Variants in MOGAT1 observed in about 807,000 individuals in gnomAD.
The protein encoded by MOGAT1 is monoacylglycerol O-acyltransferase 1, also known as 2-acylglycerol O-acyltransferase 1.
MOGAT1 carries 32 observed loss-of-function variants against 31.4 expected under a neutral mutation model. The ratio of observed to expected loss-of-function variants is 1.02; its 90% CI spans 0.77 to 1.37. The LOEUF (loss-of-function observed/expected upper bound fraction) is 1.37. Ranked by LOEUF, MOGAT1 falls within the 40% of genes most tolerant of loss-of-function variation. MOGAT1 has a pLI of 0.00. For missense variants in MOGAT1, 426 were observed against 402.0 expected (o/e 1.06, Z -0.51); for synonymous variants, 145 against 144.5 (o/e 1.00, Z -0.03).
At chr2:222,678,756 C>G (rs914084550) in intron 1 of MOGAT1, among the ~76,000 whole-genome samples, 1 of 152,082 alleles carries the variant, frequency 6.6e-6, no homozygotes, top group Non-Finnish European at 1.5e-5. Context: ...GCCTGGCCAA[C>G]ATGGGGACAC....
chr2:222,700,527 C>G (rs1241943816), intron 5 of MOGAT1, among the ~76,000 whole-genome samples: 1 of 152,180 alleles, frequency 6.6e-6, no homozygotes, highest in East Asian at 1.9e-4. Flanking sequence ...GTTGTTGTTT[C>G]AAACGTTTAA....
At chr2:222,672,158 T>C (rs1559226228) in intron 1 of MOGAT1, among the ~76,000 whole-genome samples, 1 of 152,232 alleles carries the variant, frequency 6.6e-6, no homozygotes, top group Non-Finnish European at 1.5e-5. Context: ...TACAGCTCGA[T>C]GACTTTTGGC....
At chr2:222,689,524 A>C in intron 3 of MOGAT1, 55 bp downstream of exon 3, 2 of 1,502,850 alleles carry the variant, frequency 1.3e-6, no homozygotes, top group South Asian at 2.3e-5. Context: ...AGGAGCACAC[A>C]GAACATTCCC....
In MOGAT1 at chr2:222,695,174, G is replaced by C. The variant is rs1004294470; in HGVS notation, c.739G>C (p.Val247Leu). ...CCCTGAAGGATCATGGATTAGAACT[G>C]TTCAGAATAAACTGCAGAAGATCAT... ...DNPEGSWIRT[V>L]QNKLQKIMGF... The change falls in exon 5 of 6, where the codon GTT becomes CTT. Residue 247 changes from valine to leucine, a missense_variant. Physicochemically the swap from Val to Leu is conservative, Grantham distance 32 (BLOSUM62 1). Transcript: ENST00000446656. 2.5e-6 allele frequency: 4 copies of C among 1,613,582 alleles called. No individual in the cohort carries two copies. Among genetic ancestry groups the C allele is most frequent in the Non-Finnish European group, 3.4e-6 (4 of 1,179,724 alleles).
chr2:222,708,951 A>G (rs998451135), intron 5 of MOGAT1, among the ~76,000 whole-genome samples: 1 of 152,198 alleles, frequency 6.6e-6, no homozygotes, highest in African/African-American at 2.4e-5. Flanking sequence ...ACCCGCTATT[A>G]CAAACAATGG....
intron 3 of MOGAT1, among the ~76,000 whole-genome samples, chr2:222,694,095 A>G (rs1692806033): frequency 6.6e-6 from 1 of 152,168 alleles, no homozygotes; most frequent in African/African-American, 2.4e-5. Flanking sequence ...GTAGTGCACA[A>G]CCTACCTAAA....
At chr2:222,698,227 G>A (rs776238811) in intron 5 of MOGAT1, among the ~76,000 whole-genome samples, 13 of 152,306 alleles carry the variant, frequency 8.5e-5, no homozygotes, top group South Asian at 4.1e-4. Context: ...CTAGTTGACC[G>A]TCAGGACAAA....
chr2:222,697,376 T>G (rs1166894449), intron 5 of MOGAT1, among the ~76,000 whole-genome samples: 1 of 152,146 alleles, frequency 6.6e-6, no homozygotes, highest in African/African-American at 2.4e-5. Context: ...CTTAAGTATC[T>G]GAAAGGTATA....
At chr2:222,678,636 T>C (rs985895835) in intron 1 of MOGAT1, among the ~76,000 whole-genome samples, 2 of 152,196 alleles carry the variant, frequency 1.3e-5, no homozygotes, top group Non-Finnish European at 2.9e-5. Context: ...GGGTGTCGTA[T>C]CTTTAAAATC....
At chr2:222,672,648 T>TTATATCCCAA in intron 1 of MOGAT1, among the ~76,000 whole-genome samples, 1 of 152,214 alleles carries the variant, frequency 6.6e-6, no homozygotes, top group East Asian at 1.9e-4. Flanking sequence ...GGGAGACCCT[T>TTATATCCCAA]CTATTGAAAC....
In MOGAT1 at chr2:222,693,967, C is replaced by T. The variant is rs185459818; in HGVS notation, c.479-395C>T. Among the ~76,000 whole-genome samples the T allele has an allele frequency of 5.9e-5, 9 of 152,260 alleles. No homozygotes were observed. In the East Asian group the frequency reaches 9.6e-4, roughly 16 times the overall value. On this transcript the variant is annotated intron_variant, in intron 3 of 5. Coordinates refer to ENST00000446656, the MANE Select transcript of MOGAT1 (RefSeq NM_058165.3). ...TACTTTTTGGTTCTGTGTAAAAATTCGCCATGATAAATATCAAGGCCACCA... is the reference window on the plus strand; with the variant it reads ...TACTTTTTGGTTCTGTGTAAAAATTTGCCATGATAAATATCAAGGCCACCA...
intron 3 of MOGAT1, among the ~76,000 whole-genome samples, chr2:222,692,399 A>G (rs556012397): frequency 6.6e-6 from 1 of 152,324 alleles, no homozygotes; most frequent in African/African-American, 2.4e-5. Context: ...AATGCTTTTA[A>G]ATGAATGAAT....
intron 1 of MOGAT1, among the ~76,000 whole-genome samples, chr2:222,679,992 T>C (rs1233008491): frequency 6.6e-6 from 1 of 152,186 alleles, no homozygotes; most frequent in East Asian, 1.9e-4. Context: ...TCTTTGTTTC[T>C]ACCTTACCCA....
intron 5 of MOGAT1, among the ~76,000 whole-genome samples, chr2:222,701,299 G>GAGAGAGAGAGAGAGAGAGAGAGA (rs71053101): frequency 1.1e-5 from 1 of 90,498 alleles, no homozygotes; most frequent in African/African-American, 4.5e-5. Context: ...AGGAGGAGGA[G>GAGAGAGAGAGAGAGAGAGAGAGA]GAGAGAGAGA....
At chr2:222,690,531 CG>C (rs750827952) in intron 3 of MOGAT1, among the ~76,000 whole-genome samples, 1 of 151,788 alleles carries the variant, frequency 6.6e-6, no homozygotes, top group Non-Finnish European at 1.5e-5. Flanking sequence ...CACTCCAGCC[CG>C]GGCGACAGAG....
At chr2:222,693,707 G>A (rs1293552203) in intron 3 of MOGAT1, among the ~76,000 whole-genome samples, 1 of 151,988 alleles carries the variant, frequency 6.6e-6, no homozygotes, top group African/African-American at 2.4e-5. Flanking sequence ...TCACTATCAC[G>A]AGAACAGCAT....
At chr2:222,683,280 T>C (rs2106033935) in intron 1 of MOGAT1, among the ~76,000 whole-genome samples, 1 of 151,882 alleles carries the variant, frequency 6.6e-6, no homozygotes, top group Middle Eastern at 3.5e-3. Flanking sequence ...GGGGAGTAAC[T>C]GCTTAATGGG....
chr2:222,701,330 T>G (rs13028818), intron 5 of MOGAT1, among the ~76,000 whole-genome samples: 18,062 of 63,760 alleles, frequency 0.28, 1,298 homozygotes, highest in Middle Eastern at 0.37. Context: ...GAGAGAGAGA[T>G]AAAAGGAATT....
chr2:222,703,598 A>G (rs941133922), intron 5 of MOGAT1, among the ~76,000 whole-genome samples: 1 of 152,128 alleles, frequency 6.6e-6, no homozygotes, highest in African/African-American at 2.4e-5. Flanking sequence ...ACAAGCTGAC[A>G]TTGGGCATCT....
Sources: allele counts gnomAD v4.1 joint callset (sites outside exome capture counted in the v4.1 genomes callset), GRCh38; gene constraint gnomAD v4.1.1; transcripts MANE v1.5; gene names NCBI Gene and HGNC (gene_info 2026-07-23, HGNC 2026-07-21).